SLC2A12: variants seen among roughly 807,000 people sequenced by gnomAD.
SLC2A12 encodes solute carrier family 2 member 12.
In SLC2A12, 23 loss-of-function variants were observed where a neutral mutation model predicts 41.8. The observed-to-expected ratio is 0.55, with a 90% confidence interval of 0.40 to 0.78. SLC2A12 has a LOEUF of 0.78. Among genes scored for constraint, SLC2A12 ranks in the 30% least tolerant of loss-of-function variants. The pLI is 0.00. For missense variants in SLC2A12, 654 were observed against 745.6 expected (o/e 0.88, Z 1.43); for synonymous variants, 295 against 285.9 (o/e 1.03, Z -0.32).
intron 2 of SLC2A12, among the ~76,000 whole-genome samples, chr6:134,015,180 T>C (rs1776939385): frequency 6.6e-6 from 1 of 152,248 alleles, no homozygotes; most frequent in African/African-American, 2.4e-5. Context: ...TAAAGGTAGA[T>C]GCACAACATA....
rs56672329 is a variant in SLC2A12 at position 134,030,943 on chromosome 6, G to A, written c.104-1222C>T. On this transcript the variant is annotated intron_variant, in intron 1 of 4. Coordinates refer to ENST00000275230, the MANE Select transcript of SLC2A12 (RefSeq NM_145176.3). The stretch of plus-strand genomic sequence containing the variant: ...CACCTTCACTGCTATGTAGAGATTA[G>A]TTCTTCAAAATGCAAGACTGGCAAG... 1.8e-3 allele frequency among the ~76,000 whole-genome samples: 273 copies of A among 152,326 alleles called. 1 individual carries two copies. Among genetic ancestry groups the A allele is most frequent in the Middle Eastern group, 0.014 (4 of 294 alleles).
At position 134,025,412 on chromosome 6, in the gene SLC2A12, T is replaced by A. The variant is rs189266545; in HGVS notation, c.1444+2969A>T. Among the ~76,000 whole-genome samples the A allele has an allele frequency of 1.1e-4, 16 of 152,350 alleles. No homozygotes were observed. The South Asian group carries it at 1.9e-3, about 18-fold the overall frequency. On this transcript the variant is annotated intron_variant, in intron 2 of 4. Coordinates refer to ENST00000275230, the MANE Select transcript of SLC2A12 (RefSeq NM_145176.3). ...GAAGGTAAAATGAAGTACTGCAAAG[T>A]ACGTAAAAGCTGCCTAGCACAGTAT...
intron 1 of SLC2A12, among the ~76,000 whole-genome samples, chr6:134,040,601 G>C (rs1313620004): frequency 2.0e-5 from 3 of 152,166 alleles, no homozygotes; most frequent in Non-Finnish European, 4.4e-5. Context: ...ATATGTGCAA[G>C]GTGGCTGCCG....
In SLC2A12 at chr6:133,988,944, C is replaced by G. The variant is rs372137828; in HGVS notation, c.*2211G>C. The G allele has an allele frequency of 3.9e-5, 6 of 152,198 alleles. No individual in the cohort carries two copies. In the East Asian group the frequency reaches 9.6e-4, roughly 24 times the overall value. The allele number at this position is 152,198 out of a possible 1,614,324, so 9.4% of individuals were successfully genotyped here. The stretch of plus-strand genomic sequence containing the variant: ...ATAGGGGGAAAACATGCTTATATAG[C>G]CAAGGTACAGATCCAGATGATGTAA... On this transcript the variant is annotated 3_prime_UTR_variant, in exon 5 of 5. Transcript: ENST00000275230.
intron 2 of SLC2A12, among the ~76,000 whole-genome samples, chr6:134,018,856 A>T (rs576164857): frequency 5.7e-4 from 86 of 152,176 alleles, no homozygotes; most frequent in African/African-American, 2.0e-3. Flanking sequence ...TGAGCAAGAC[A>T]CATGTGCTGG....
rs376351872 is a variant in SLC2A12, at chr6:134,039,712, G to A, written c.104-9991C>T. Among the ~76,000 whole-genome samples the A allele has an allele frequency of 3.1e-3, 467 of 152,208 alleles. 5 individuals are homozygous for A. The highest frequency in any genetic ancestry group is 0.011 in the African/African-American group (438 of 41,520). ...AACTCTCATATTGAATTCTAATCCCGAATGTTGGAGGTGGGGCCTGGTGGG... is the reference window on the plus strand; with the variant it reads ...AACTCTCATATTGAATTCTAATCCCAAATGTTGGAGGTGGGGCCTGGTGGG... On this transcript the variant is annotated intron_variant, in intron 1 of 4. Coordinates refer to ENST00000275230, the MANE Select transcript of SLC2A12 (RefSeq NM_145176.3).
intron 4 of SLC2A12, among the ~76,000 whole-genome samples, chr6:133,998,830 T>C (rs1776723782): frequency 6.6e-6 from 1 of 152,178 alleles, no homozygotes; most frequent in Non-Finnish European, 1.5e-5. Flanking sequence ...GGTGAGCCAC[T>C]ACACCCAGCC....
At position 134,033,751 on chromosome 6, in the gene SLC2A12, C is replaced by T. The variant is rs577922387; in HGVS notation, c.104-4030G>A. ...CTTCTCCTCTTCCTTTCTTGTTTTC[C>T]TCTTTCATGAGATGGAAAATACTGT... is the stretch of plus-strand genomic sequence containing the variant. On this transcript the variant is annotated intron_variant, in intron 1 of 4. Coordinates refer to ENST00000275230, the MANE Select transcript of SLC2A12 (RefSeq NM_145176.3). Among the ~76,000 whole-genome samples the T allele has an allele frequency of 3.9e-5, 6 of 152,228 alleles. No homozygotes were observed. In the East Asian group the frequency reaches 9.7e-4, roughly 25 times the overall value.
chr6:134,045,736 G>A (rs1167224673), intron 1 of SLC2A12, among the ~76,000 whole-genome samples: 3 of 152,090 alleles, frequency 2.0e-5, no homozygotes, highest in Non-Finnish European at 4.4e-5. Context: ...GAACCACTTG[G>A]CCCACAAGAA....
chr6:134,052,303 C>G (rs910399190), intron 1 of SLC2A12, 75 bp downstream of exon 1: 8 of 759,434 alleles, frequency 1.1e-5, no homozygotes, highest in Middle Eastern at 6.2e-4. Context: ...ACACGGGACT[C>G]AAGAGACAGT....
Position 134,028,707 on chromosome 6 carries a change from G to C in SLC2A12, c.1118C>G (p.Thr373Ser). 1.2e-6 allele frequency: 2 copies of C among 1,614,170 alleles called. No individual in the cohort carries two copies. Among genetic ancestry groups the C allele is most frequent in the South Asian group, 1.1e-5 (1 of 91,080 alleles). Residue 373 changes from threonine (T) to serine (S), a missense_variant, in exon 2 of 5, where the codon ACC (threonine) becomes AGC (serine). By Grantham distance (58) the Thr-to-Ser change is moderately conservative. This residue lies in a region of SLC2A12 where 411 missense variants were observed against 412.1 expected (regional missense o/e 1.00). Transcript: ENST00000275230. The stretch of plus-strand genomic sequence containing the variant: ...AGAATTGTGGCTTCTGCAGATATGG[G>C]TGAAGTTCATGTGGATGTTGAGATT... ...IVNLNIHMNFTHICRSHNSIN... is the reference protein window; with the variant it reads ...IVNLNIHMNFSHICRSHNSIN...
rs1777165779 is a variant in SLC2A12, at chr6:134,029,415, C to T, written c.410G>A (p.Arg137His). Residue 137 changes from arginine (R) to histidine (H), a missense_variant, in exon 2 of 5, where the codon CGC (arginine) becomes CAC (histidine). Arg to His is a conservative substitution (Grantham distance 29). Coordinates refer to ENST00000275230, the MANE Select transcript of SLC2A12 (RefSeq NM_145176.3). ...GGAGATGGAGACCCCTATGGCAATG[C>T]GTCCCACTATAAGAACCGTGTAGGA... ...SLSYTVLIVG[R>H]IAIGVSISLS... 4 of 1,614,118 alleles carry T rather than the reference C, an allele frequency of 2.5e-6. No individual in the cohort carries two copies. Among genetic ancestry groups the T allele is most frequent in the East Asian group, 2.2e-5 (1 of 44,870 alleles).
At chr6:134,040,495 C>T (rs1446373445) in intron 1 of SLC2A12, among the ~76,000 whole-genome samples, 2 of 152,140 alleles carry the variant, frequency 1.3e-5, no homozygotes, top group Admixed American at 1.3e-4. Flanking sequence ...AACTAAAAGA[C>T]CAAGTTGGGT....
intron 1 of SLC2A12, among the ~76,000 whole-genome samples, chr6:134,042,555 A>T (rs1777396963): frequency 6.6e-6 from 1 of 152,028 alleles, no homozygotes; most frequent in African/African-American, 2.4e-5. Flanking sequence ...TAGAAAAAAA[A>T]AAAAAGTAGA....
chr6:134,014,779 T>G (rs960622593), intron 2 of SLC2A12, among the ~76,000 whole-genome samples: 1 of 152,212 alleles, frequency 6.6e-6, no homozygotes, highest in African/African-American at 2.4e-5. Context: ...GACTGAGAGA[T>G]AAGTTAAACA....
chr6:134,004,285 T>C (rs1378930464), intron 3 of SLC2A12, among the ~76,000 whole-genome samples: 1 of 152,184 alleles, frequency 6.6e-6, no homozygotes, highest in African/African-American at 2.4e-5. Flanking sequence ...TTTATGTGTG[T>C]GATCTGAGTA....
At chr6:134,005,554 G>A (rs996748577) in intron 3 of SLC2A12, among the ~76,000 whole-genome samples, 1 of 150,482 alleles carries the variant, frequency 6.6e-6, no homozygotes, top group African/African-American at 2.4e-5. Context: ...CAGCTACTTG[G>A]GAGGCTGAGG....
At position 133,991,188 on chromosome 6, in the gene SLC2A12, C is replaced by T. The variant is rs1776617627; in HGVS notation, c.1821G>A (p.Arg607=). The T allele has an allele frequency of 5.6e-6, 9 of 1,613,658 alleles. No homozygotes were observed. Among genetic ancestry groups the T allele is most frequent in the Admixed American group, 1.7e-5 (1 of 59,950 alleles). ...QLLECNKLCG[R]GQSRQLSPET ...CTGGAGAAAGCTGCCTGGATTGGCC[C>T]CTACCACACAGCTTGTTACACTCCA... is the stretch of plus-strand genomic sequence containing the variant. Residue 607 remains arginine, a synonymous_variant, in exon 5 of 5, where the codon AGG becomes AGA. Coordinates refer to ENST00000275230, the MANE Select transcript of SLC2A12 (RefSeq NM_145176.3).
chr6:134,024,132 A>G (rs924830050), intron 2 of SLC2A12, among the ~76,000 whole-genome samples: 1 of 152,136 alleles, frequency 6.6e-6, no homozygotes. Flanking sequence ...TCCTCCTACA[A>G]CTTCTCCAAG....
Sources: gnomAD v4.1 joint callset for allele counts (sites outside exome capture counted in the v4.1 genomes callset) on GRCh38, gnomAD v4.1.1 for gene constraint, gnomAD v4.1.1 regional missense constraint, MANE v1.5 for transcripts, NCBI Gene and HGNC (gene_info 2026-07-23, HGNC 2026-07-21) for gene names.